SERTAD4: variants seen among roughly 807,000 people sequenced by gnomAD.
The protein encoded by SERTAD4 is SERTA domain containing 4, also known as SERTA domain-containing protein 4.
Under a neutral mutation model 32.9 loss-of-function variants are expected in SERTAD4, and 18 were observed. The observed-to-expected ratio is 0.55, with a 90% confidence interval of 0.38 to 0.81. The LOEUF is 0.81. SERTAD4 is among the 30% of genes least tolerant of loss of function. The pLI is 0.00. For synonymous variants in SERTAD4, 150 were observed against 156.4 expected (o/e 0.96, Z 0.30); for missense variants, 383 against 426.0 (o/e 0.90, Z 0.89).
Position 210,243,185 on chromosome 1 carries a change from A to G in SERTAD4, c.*848A>G, listed in dbSNP as rs1017281164. On this transcript the variant is annotated 3_prime_UTR_variant, in exon 4 of 4. Coordinates refer to ENST00000367012, the MANE Select transcript of SERTAD4 (RefSeq NM_019605.5). ...TATTGTGTTCAGCTTTTGATTCGAC[A>G]TCTCTATTCTTTATTTTTGATGCCC... 1.1e-6 allele frequency: 1 copy of G among 947,316 alleles called. No homozygotes were observed. Among genetic ancestry groups the G allele is most frequent in the Non-Finnish European group, 1.3e-6 (1 of 796,376 alleles). 58.7% of individuals were successfully genotyped at this position (947,316 alleles called of 1,614,324 possible). A position where few individuals can be genotyped will look rare whatever the true frequency, so the allele number is the denominator to read the frequency against.
chr1:210,242,455 C>T lies in SERTAD4; in HGVS notation c.*118C>T. 1 of 1,451,636 alleles carries T rather than the reference C, an allele frequency of 6.9e-7. No individual in the cohort carries two copies. Among genetic ancestry groups the T allele is most frequent in the South Asian group, 1.5e-5 (1 of 64,860 alleles). 89.9% of individuals were successfully genotyped at this position (1,451,636 alleles called of 1,614,324 possible). A position where few individuals can be genotyped will look rare whatever the true frequency, so the allele number is the denominator to read the frequency against. Reference sequence around the variant, plus strand: ...AGATAAAATTATGCCATGAACATGCCATGTCGTTTTAATGCCTGGAGAGCA... The same window carrying T: ...AGATAAAATTATGCCATGAACATGCTATGTCGTTTTAATGCCTGGAGAGCA... On this transcript the variant is annotated 3_prime_UTR_variant, in exon 4 of 4. Coordinates refer to ENST00000367012, the MANE Select transcript of SERTAD4 (RefSeq NM_019605.5). The surrounding 1 kb of genome is among the most constrained non-coding windows in gnomAD (Gnocchi z 4.0).
rs1302229346 is a variant in SERTAD4 at position 210,243,502 on chromosome 1, T to G, written c.*1165T>G. On this transcript the variant is annotated 3_prime_UTR_variant, in exon 4 of 4. Coordinates refer to ENST00000367012, the MANE Select transcript of SERTAD4 (RefSeq NM_019605.5). ...TGTTGATTAAGAAGCACAATGTTAA[T>G]AAATGATGTGGTGATCAATAAGGTT... 1 of 152,252 alleles carries G rather than the reference T, an allele frequency of 6.6e-6. No homozygotes were observed. Among genetic ancestry groups the G allele is most frequent in the African/African-American group, 2.4e-5 (1 of 41,468 alleles). 9.4% of individuals were successfully genotyped at this position (152,252 alleles called of 1,614,324 possible). A position where few individuals can be genotyped will look rare whatever the true frequency, so the allele number is the denominator to read the frequency against.
rs143935548 is a variant in SERTAD4, at chr1:210,243,276, A to C, written c.*939A>C. On this transcript the variant is annotated 3_prime_UTR_variant, in exon 4 of 4. Coordinates refer to ENST00000367012, the MANE Select transcript of SERTAD4 (RefSeq NM_019605.5). The stretch of plus-strand genomic sequence containing the variant: ...GAAATGAGAGAGAGAGCTGTTAGAA[A>C]GCAGCACGGGCTGCTCGAGCTTTTC... 3.3e-4 allele frequency: 130 copies of C among 389,110 alleles called. No individual in the cohort carries two copies. Among genetic ancestry groups the C allele is most frequent in the African/African-American group, 2.8e-3 (126 of 45,162 alleles). 24.1% of individuals were successfully genotyped at this position (389,110 alleles called of 1,614,324 possible). A position where few individuals can be genotyped will look rare whatever the true frequency, so the allele number is the denominator to read the frequency against.
chr1:210,233,871 T>G (rs924909036), intron 1 of SERTAD4: 1 of 465,520 alleles, frequency 2.1e-6, no homozygotes, highest in South Asian at 1.6e-5. Flanking sequence ...CGACATCTGC[T>G]GCGGGCTGGA....
intron 1 of SERTAD4, chr1:210,233,824 C>G: frequency 2.1e-6 from 1 of 469,444 alleles, no homozygotes. Flanking sequence ...GGGCTTCCAG[C>G]GGGTTTGGCC....
In SERTAD4 at chr1:210,244,964, CTT is replaced by C. The variant is rs1366461739; in HGVS notation, c.*2628_*2629del. 1 of 152,202 alleles carries C rather than the reference CTT, an allele frequency of 6.6e-6. No homozygotes were observed. The highest frequency in any genetic ancestry group is 1.9e-4 in the East Asian group (1 of 5,202). 9.4% of individuals were successfully genotyped at this position (152,202 alleles called of 1,614,324 possible). A position where few individuals can be genotyped will look rare whatever the true frequency, so the allele number is the denominator to read the frequency against. ...CACCCATCCAAACCACAAAAATTCT[CTT>C]GTTAGTAGGCGAGAGTGCTAGGACT... On this transcript the variant is annotated 3_prime_UTR_variant, in exon 4 of 4. Transcript: ENST00000367012.
At chr1:210,238,622 G>A (rs1295860570) in intron 2 of SERTAD4, among the ~76,000 whole-genome samples, 1 of 152,174 alleles carries the variant, frequency 6.6e-6, no homozygotes, top group African/African-American at 2.4e-5. Context: ...GCTTGTGGAA[G>A]TTATTTATAT....
In SERTAD4 at chr1:210,246,064, G is replaced by A. The variant is rs1558260522; in HGVS notation, c.*3727G>A. 1 of 302,090 alleles carries A rather than the reference G, an allele frequency of 3.3e-6. No homozygotes were observed. The allele number at this position is 302,090 out of a possible 1,614,324, so 18.7% of individuals were successfully genotyped here. ...TTTTACTAGATTTTTTCAGAGACAA[G>A]CATTCAGCATGGCATTAGTAATGAT... On this transcript the variant is annotated 3_prime_UTR_variant, in exon 4 of 4. Coordinates refer to ENST00000367012, the MANE Select transcript of SERTAD4 (RefSeq NM_019605.5).
At chr1:210,234,310 T>C (rs958032241) in intron 1 of SERTAD4, among the ~76,000 whole-genome samples, 2 of 152,040 alleles carry the variant, frequency 1.3e-5, no homozygotes, top group Non-Finnish European at 2.9e-5. Context: ...CACACACACC[T>C]TGGGCACCAG....
At position 210,242,359 on chromosome 1, in the gene SERTAD4, G is replaced by A. The variant is rs760978033; in HGVS notation, c.*22G>A. On this transcript the variant is annotated 3_prime_UTR_variant, in exon 4 of 4. Coordinates refer to ENST00000367012, the MANE Select transcript of SERTAD4 (RefSeq NM_019605.5). The surrounding 1 kb of genome is among the most constrained non-coding windows in gnomAD (Gnocchi z 4.0). ...ATGAGCCATCTTCTCACCGAACTTT[G>A]AAGCATGCACAGCATGATCAGTTAG... 1.9e-6 allele frequency: 3 copies of A among 1,541,168 alleles called. No homozygotes were observed. The highest frequency in any genetic ancestry group is 2.1e-5 in the Admixed American group (1 of 47,060).
Position 210,243,122 on chromosome 1 carries a change from G to C in SERTAD4, c.*785G>C, listed in dbSNP as rs1042448275. ...AAAAAAAAAAAAAAAAAAACCACAG[G>C]GTGGATCAATATGGTTTGGAAACTG... On this transcript the variant is annotated 3_prime_UTR_variant, in exon 4 of 4. Coordinates refer to ENST00000367012, the MANE Select transcript of SERTAD4 (RefSeq NM_019605.5). 2 of 952,420 alleles carry C rather than the reference G, an allele frequency of 2.1e-6. No individual in the cohort carries two copies. Among genetic ancestry groups the C allele is most frequent in the South Asian group, 9.7e-5 (2 of 20,520 alleles). 59.0% of individuals were successfully genotyped at this position (952,420 alleles called of 1,614,324 possible). A position where few individuals can be genotyped will look rare whatever the true frequency, so the allele number is the denominator to read the frequency against.
intron 3 of SERTAD4, among the ~76,000 whole-genome samples, chr1:210,239,937 TC>T (rs1053808994): frequency 6.6e-6 from 1 of 152,182 alleles, no homozygotes; most frequent in Non-Finnish European, 1.5e-5. Context: ...ATGCGCTCGT[TC>T]TTTCCTGTCA....
intron 1 of SERTAD4, among the ~76,000 whole-genome samples, chr1:210,234,645 C>T (rs1363946179): frequency 6.6e-6 from 1 of 152,174 alleles, no homozygotes; most frequent in Non-Finnish European, 1.5e-5. Context: ...GGAAATAGCC[C>T]TTTACTTCCC....
chr1:210,233,210 G>A (rs1254406868), intron 1 of SERTAD4, among the ~76,000 whole-genome samples, 199 bp downstream of exon 1: 1 of 152,082 alleles, frequency 6.6e-6, no homozygotes, highest in Non-Finnish European at 1.5e-5. Flanking sequence ...GGGGGCCAAG[G>A]CACAGCTGGG....
chr1:210,233,395 C>T (rs1257737537), intron 1 of SERTAD4, among the ~76,000 whole-genome samples: 2 of 152,124 alleles, frequency 1.3e-5, no homozygotes, highest in Non-Finnish European at 2.9e-5. Flanking sequence ...TCCGTGGCCG[C>T]TTAGTCCCTC....
intron 1 of SERTAD4, among the ~76,000 whole-genome samples, chr1:210,236,301 G>T (rs1384165368): frequency 6.6e-6 from 1 of 152,174 alleles, no homozygotes; most frequent in Non-Finnish European, 1.5e-5. Context: ...TCTTTGGAGG[G>T]CATCTTAAAA....
rs1488563715 is a variant in SERTAD4 at position 210,241,836 on chromosome 1, C to A, written c.570C>A (p.Cys190Ter). The A allele has an allele frequency of 1.2e-6, 2 of 1,614,158 alleles. No individual in the cohort carries two copies. The change falls in exon 4 of 4, where the codon TGC becomes TGA. Residue 190 changes from cysteine to a stop codon, truncating the protein, a stop_gained. Coordinates refer to ENST00000367012, the MANE Select transcript of SERTAD4 (RefSeq NM_019605.5). LOFTEE classifies it high-confidence loss of function. ...KEECEKFHAC[C>*]FYQECGGHYL... ...AATGTGAAAAGTTTCATGCCTGCTG[C>A]TTTTACCAAGAATGTGGTGGCCACT... is the stretch of plus-strand genomic sequence containing the variant.
intron 1 of SERTAD4, chr1:210,233,770 C>T: frequency 2.1e-6 from 1 of 471,006 alleles, no homozygotes; most frequent in Non-Finnish European, 4.4e-6. Context: ...GAATAGGCGT[C>T]CTCGCCGCCA....
intron 1 of SERTAD4, among the ~76,000 whole-genome samples, 168 bp downstream of exon 1, chr1:210,233,179 G>A (rs927468825): frequency 3.7e-4 from 56 of 152,162 alleles, no homozygotes; most frequent in African/African-American, 1.3e-3. Flanking sequence ...CGCAGCGGCC[G>A]GAGCGGAGTC....
Sources: gnomAD v4.1 joint callset for allele counts (sites outside exome capture counted in the v4.1 genomes callset) on GRCh38, gnomAD v4.1.1 for gene constraint, Gnocchi (gnomAD v3.1) non-coding constraint, MANE v1.5 for transcripts, NCBI Gene and HGNC (gene_info 2026-07-23, HGNC 2026-07-21) for gene names.